The following CFAP54 variants were observed in gnomAD, a reference collection of about 807,000 sequenced individuals.
CFAP54 encodes cilia- and flagella-associated protein 54.
CFAP54 carries 290 observed loss-of-function variants against 370.4 expected under a neutral mutation model. The observed-to-expected ratio is 0.78, with a 90% CI of 0.71 to 0.86. The LOEUF is 0.86. Among genes scored for constraint, CFAP54 ranks in the 40% least tolerant of loss-of-function variants. The pLI is 0.00. For synonymous variants in CFAP54, 1,206 were observed against 1,236.5 expected (o/e 0.98, Z 0.52); for missense variants, 3,399 against 3,528.7 (o/e 0.96, Z 0.93).
At chr12:96,555,199 G>C (rs553886944) in intron 17 of CFAP54, among the ~76,000 whole-genome samples, 1 of 152,116 alleles carries the variant, frequency 6.6e-6, no homozygotes, top group African/African-American at 2.4e-5. Context: ...GATACATTTT[G>C]TAATAGGGGT....
At chr12:96,664,697 CTATATA>C (rs377611594) in intron 39 of CFAP54, among the ~76,000 whole-genome samples, 12 of 76,044 alleles carry the variant, frequency 1.6e-4, no homozygotes, top group Non-Finnish European at 1.3e-4. Context: ...GGGTATATAT[CTATATA>C]TATATATATA....
intron 30 of CFAP54, among the ~76,000 whole-genome samples, chr12:96,628,349 G>GTT (rs1956568405): frequency 6.6e-6 from 1 of 152,198 alleles, no homozygotes; most frequent in Non-Finnish European, 1.5e-5. Context: ...GAGTGGAGGA[G>GTT]TTTAATTTAT....
At chr12:96,662,523 C>A (rs1957006589) in intron 38 of CFAP54, among the ~76,000 whole-genome samples, 2 of 152,146 alleles carry the variant, frequency 1.3e-5, no homozygotes, top group Admixed American at 1.3e-4. Context: ...ATTCTTAATG[C>A]AGCAGATACA....
Position 96,527,243 on chromosome 12 carries a change from C to A in CFAP54, c.1159-3C>A. On this transcript the variant is annotated splice_polypyrimidine_tract_variant and splice_region_variant and intron_variant, in intron 8 of 67. Transcript: ENST00000524981. ...ACTGAACTTTTTTTTTTCTCAATTT[C>A]AGTTATCATGGCCACGAACTGTCAC... 6.7e-7 allele frequency: 1 copy of A among 1,492,942 alleles called. No individual in the cohort carries two copies. The allele number at this position is 1,492,942 out of a possible 1,614,324, so 92.5% of individuals were successfully genotyped here.
intron 39 of CFAP54, among the ~76,000 whole-genome samples, chr12:96,671,245 T>G (rs1023352501): frequency 1.3e-5 from 2 of 152,176 alleles, no homozygotes; most frequent in African/African-American, 4.8e-5. Flanking sequence ...GTGCTGGGAT[T>G]ACAGGCATGA....
chr12:96,566,848 G>A (rs1955869464), intron 19 of CFAP54, among the ~76,000 whole-genome samples: 1 of 152,072 alleles, frequency 6.6e-6, no homozygotes, highest in Non-Finnish European at 1.5e-5. Context: ...TATAGAAGGG[G>A]GGAATCTTTT....
At position 96,489,775 on chromosome 12, in the gene CFAP54, T is replaced by C. The variant is rs1246830708; in HGVS notation, c.166T>C (p.Leu56=). 1.3e-6 allele frequency: 2 copies of C among 1,536,098 alleles called. No individual in the cohort carries two copies. The highest frequency in any genetic ancestry group is 2.0e-5 in the Admixed American group (1 of 50,996). ...TCAGTGGACCTGCCCCGAGGACTCA[T>C]TGCCCCTAGCCGTGTTTTATGGGCC... is the stretch of plus-strand genomic sequence containing the variant. ...LLQWTCPEDS[L]PLAVFYGPLD... Residue 56 remains leucine (L), a synonymous_variant, in exon 1 of 68, where the codon TTG becomes CTG. Transcript: ENST00000524981.
intron 28 of CFAP54, among the ~76,000 whole-genome samples, chr12:96,624,273 C>T (rs1374803872): frequency 1.3e-5 from 2 of 152,104 alleles, no homozygotes; most frequent in Non-Finnish European, 2.9e-5. Context: ...CACAGCACAC[C>T]ACCCCCTAGT....
chr12:96,536,855 A>G (rs1460387003), intron 12 of CFAP54, among the ~76,000 whole-genome samples: 1 of 151,838 alleles, frequency 6.6e-6, no homozygotes, highest in Non-Finnish European at 1.5e-5. Flanking sequence ...CGAAATCCTG[A>G]CCTCAGATGA....
rs1262570721 is a variant in CFAP54 at position 96,522,144 on chromosome 12, T to A, written c.1113T>A (p.Ala371=). ...TTGAATCTAGAAGAAAAAACAAAGCTGTCTTTAGACCTAAGATAAGAATTA... is the reference window on the plus strand; with the variant it reads ...TTGAATCTAGAAGAAAAAACAAAGCAGTCTTTAGACCTAAGATAAGAATTA... The part of the protein sequence containing the change: ...GVFESRRKNK[A]VFRPKIRINL... Residue 371 remains alanine, a synonymous_variant, in exon 8 of 68, where the codon GCT becomes GCA. Transcript: ENST00000524981. 1.3e-6 allele frequency: 2 copies of A among 1,535,616 alleles called. No homozygotes were observed. Among genetic ancestry groups the A allele is most frequent in the Non-Finnish European group, 1.7e-6 (2 of 1,146,778 alleles).
rs546049571 is a variant in CFAP54, at chr12:96,522,538, C to T, written c.1158+349C>T. On this transcript the variant is annotated intron_variant, in intron 8 of 67. Coordinates refer to ENST00000524981, the MANE Select transcript of CFAP54 (RefSeq NM_001306084.2). Reference sequence around the variant, plus strand: ...GACCACTTAGGGTTAGCTGAGCAGGCGAGCAGGCTTTGAGGCTGTGGAGAA... The same window carrying T: ...GACCACTTAGGGTTAGCTGAGCAGGTGAGCAGGCTTTGAGGCTGTGGAGAA... Among the ~76,000 whole-genome samples the T allele has an allele frequency of 1.1e-4, 17 of 152,296 alleles. No homozygotes were observed. In the South Asian group the frequency reaches 2.1e-3, roughly 19 times the overall value.
chr12:96,838,058 A>G (rs943878189), intron 66 of CFAP54, among the ~76,000 whole-genome samples: 3 of 152,194 alleles, frequency 2.0e-5, no homozygotes, highest in Admixed American at 6.5e-5. Context: ...TACAAATTTT[A>G]ATTGCTTTGG....
chr12:96,826,715 A>G (rs1213158877), intron 65 of CFAP54, among the ~76,000 whole-genome samples: 1 of 112,138 alleles, frequency 8.9e-6, no homozygotes, highest in Non-Finnish European at 1.6e-5. Flanking sequence ...AAATTAATAT[A>G]CAACAGAATA....
intron 26 of CFAP54, among the ~76,000 whole-genome samples, chr12:96,618,921 C>T (rs577158087): frequency 6.6e-6 from 1 of 152,038 alleles, no homozygotes; most frequent in Non-Finnish European, 1.5e-5. Flanking sequence ...AGACAGAGAT[C>T]AGGCATGATC....
chr12:96,853,576 TAAAAG>T (rs562216377), intron 66 of CFAP54, among the ~76,000 whole-genome samples: 53 of 152,282 alleles, frequency 3.5e-4, no homozygotes, highest in African/African-American at 1.2e-3. Context: ...ACTTTTTACT[TAAAAG>T]AATTGTGTTT....
rs142136502 is a variant in CFAP54, at chr12:96,783,709, A to C, written c.8282-1008A>C. Reference sequence around the variant, plus strand: ...CAAGACCAGCCTGACCAACATGGAGAAACGCCGTTTCTACTAAAAACACAA... The same window carrying C: ...CAAGACCAGCCTGACCAACATGGAGCAACGCCGTTTCTACTAAAAACACAA... On this transcript the variant is annotated intron_variant, in intron 60 of 67. Coordinates refer to ENST00000524981, the MANE Select transcript of CFAP54 (RefSeq NM_001306084.2). Among the ~76,000 whole-genome samples, 705 of 152,264 alleles carry C rather than the reference A, an allele frequency of 4.6e-3. 3 individuals are homozygous for C. The highest frequency in any genetic ancestry group is 0.016 in the African/African-American group (675 of 41,556).
At chr12:96,848,996 A>G (rs1414972013) in intron 66 of CFAP54, among the ~76,000 whole-genome samples, 1 of 152,182 alleles carries the variant, frequency 6.6e-6, no homozygotes, top group Non-Finnish European at 1.5e-5. Context: ...AAGCAAATAT[A>G]TCTAGGTCCC....
In CFAP54 at chr12:96,657,995, T is replaced by C; in HGVS notation, c.5214T>C (p.Val1738=). ...FEHPLDDVNV[V]DLKWIHDFVL... ...ATCCTTTGGATGATGTAAATGTGGTTGATTTGAAATGGATCCACGACTTTG... is the reference window on the plus strand; with the variant it reads ...ATCCTTTGGATGATGTAAATGTGGTCGATTTGAAATGGATCCACGACTTTG... The change falls in exon 37 of 68, where the codon GTT becomes GTC. Residue 1738 remains valine, a synonymous_variant. Coordinates refer to ENST00000524981, the MANE Select transcript of CFAP54 (RefSeq NM_001306084.2). 10 of 1,613,790 alleles carry C rather than the reference T, an allele frequency of 6.2e-6. No individual in the cohort carries two copies. The highest frequency in any genetic ancestry group is 8.5e-6 in the Non-Finnish European group (10 of 1,179,800).
Position 96,554,248 on chromosome 12 carries a change from T to A in CFAP54, c.2221T>A (p.Leu741Met). 2 of 1,528,894 alleles carry A rather than the reference T, an allele frequency of 1.3e-6. No individual in the cohort carries two copies. Among genetic ancestry groups the A allele is most frequent in the Non-Finnish European group, 1.7e-6 (2 of 1,143,476 alleles). The allele number at this position is 1,528,894 out of a possible 1,614,324, so 94.7% of individuals were successfully genotyped here. A position where few individuals can be genotyped will look rare whatever the true frequency, so the allele number is the denominator to read the frequency against. The change falls in exon 16 of 68, where the codon TTG (leucine) becomes ATG (methionine). Residue 741 changes from leucine to methionine, a missense_variant. Physicochemically the swap from Leu to Met is conservative, Grantham distance 15. Coordinates refer to ENST00000524981, the MANE Select transcript of CFAP54 (RefSeq NM_001306084.2). ...LLDRAIGGINLNCMLTSLPNG... is the reference protein window; with the variant it reads ...LLDRAIGGINMNCMLTSLPNG... ...TGACAGAGCAATCGGTGGAATAAATTTGAATTGCATGTTAACCTCTTTGCC... is the reference window on the plus strand; with the variant it reads ...TGACAGAGCAATCGGTGGAATAAATATGAATTGCATGTTAACCTCTTTGCC...
Sources: gnomAD v4.1 joint callset for allele counts (sites outside exome capture counted in the v4.1 genomes callset) on GRCh38, gnomAD v4.1.1 for gene constraint, MANE v1.5 for transcripts, NCBI Gene and HGNC (gene_info 2026-07-23, HGNC 2026-07-21) for gene names.